PIEZO2: variants seen among roughly 807,000 people sequenced by gnomAD.
PIEZO2 encodes piezo type mechanosensitive ion channel component 2, also known as piezo-type mechanosensitive ion channel component 2.
A neutral mutation model predicts 337.3 loss-of-function variants in PIEZO2; 172 were observed. That is an observed-to-expected ratio of 0.51 (90% CI 0.45 to 0.58). The LOEUF is 0.58. Ranked by LOEUF, PIEZO2 falls within the 20% of genes least tolerant of loss-of-function variation. The probability of loss-of-function intolerance (pLI) is 0.00; values close to 1 mark genes in which losing one functional copy is unlikely to be tolerated. For missense variants in PIEZO2, 3,028 were observed against 3,391.3 expected, an observed-to-expected ratio of 0.89 and a Z score of 2.66; for synonymous variants, 1,251 against 1,228.5, an observed-to-expected ratio of 1.02 and a Z score of -0.38.
Position 10,853,077 on chromosome 18 carries a change from G to A in PIEZO2, c.917+2276C>T, listed in dbSNP as rs1317704705. Among the ~76,000 whole-genome samples the A allele has an allele frequency of 6.6e-6, 1 of 152,196 alleles. No individual in the cohort carries two copies. Among genetic ancestry groups the A allele is most frequent in the South Asian group, 2.1e-4 (1 of 4,832 alleles). On this transcript the variant is annotated intron_variant, in intron 7 of 55. Transcript: ENST00000674853. The surrounding 1 kb of genome is among the most constrained non-coding windows in gnomAD (Gnocchi z 4.2). ...GAGGTAAAATGGCGGAGTTTAACTG[G>A]TACATGACCTTGTAGGAGCATTCGG...
intron 3 of PIEZO2, among the ~76,000 whole-genome samples, chr18:10,919,596 A>T (rs1196197913): frequency 3.9e-5 from 6 of 152,160 alleles, no homozygotes; most frequent in African/African-American, 1.2e-4. Context: ...GTTCACAAAC[A>T]TCCATGCTTC....
chr18:10,810,182 A>T (rs1288641863), intron 7 of PIEZO2, among the ~76,000 whole-genome samples: 3 of 152,138 alleles, frequency 2.0e-5, no homozygotes, highest in African/African-American at 7.2e-5. Context: ...AGTATATGAA[A>T]AAGAAAGGAC....
At chr18:10,801,536 C>A in intron 9 of PIEZO2, 108 bp from the exon 10 acceptor site, 1 of 964,886 alleles carries the variant, frequency 1.0e-6, no homozygotes. Context: ...CTTTAACTTG[C>A]TGATTGCTAG....
At chr18:10,799,782 G>A (rs2039740245) in intron 11 of PIEZO2, among the ~76,000 whole-genome samples, 1 of 152,104 alleles carries the variant, frequency 6.6e-6, no homozygotes, top group South Asian at 2.1e-4. Context: ...AGACCAGTCT[G>A]GGCAAAACAG....
intron 7 of PIEZO2, among the ~76,000 whole-genome samples, chr18:10,841,666 T>C (rs1274235421): frequency 6.6e-6 from 1 of 152,186 alleles, no homozygotes; most frequent in Admixed American, 6.5e-5. Flanking sequence ...GGGCTTGCCC[T>C]TCTAGAAATG....
At chr18:10,936,497 G>T (rs1286949493) in intron 3 of PIEZO2, among the ~76,000 whole-genome samples, 1 of 152,132 alleles carries the variant, frequency 6.6e-6, no homozygotes, top group Non-Finnish European at 1.5e-5. Flanking sequence ...GCAAGTCCTT[G>T]GTCCAGGGCT....
intron 3 of PIEZO2, among the ~76,000 whole-genome samples, chr18:10,934,494 A>T (rs2032266291): frequency 6.6e-6 from 1 of 152,222 alleles, no homozygotes; most frequent in African/African-American, 2.4e-5. Context: ...TCAGGTAGAA[A>T]ACCCATTTTC....
chr18:10,866,015 A>T (rs548169257), intron 5 of PIEZO2, among the ~76,000 whole-genome samples: 3 of 152,346 alleles, frequency 2.0e-5, no homozygotes, highest in South Asian at 2.1e-4. Context: ...TTGATCTAAA[A>T]AGATAGTTAA....
intron 1 of PIEZO2, among the ~76,000 whole-genome samples, chr18:11,135,557 TGATTG>T (rs2040458058): frequency 6.6e-6 from 1 of 152,184 alleles, no homozygotes. Context: ...ATTGATTGAT[TGATTG>T]ATTTAGATGG....
chr18:10,790,986 G>C (rs1053393193), intron 14 of PIEZO2, among the ~76,000 whole-genome samples: 1 of 152,140 alleles, frequency 6.6e-6, no homozygotes. Context: ...TTACAGGCGC[G>C]AGCCACGGCG....
intron 2 of PIEZO2, among the ~76,000 whole-genome samples, chr18:11,018,081 G>T (rs1186407237): frequency 1.3e-5 from 2 of 152,100 alleles, no homozygotes; most frequent in South Asian, 4.2e-4. Flanking sequence ...CCCCGAGAAG[G>T]CTTTAGTGTA....
Position 10,847,301 on chromosome 18 carries a change from C to G in PIEZO2, c.917+8052G>C, listed in dbSNP as rs115346833. 9.8e-3 allele frequency among the ~76,000 whole-genome samples: 1,494 copies of G among 152,280 alleles called. 30 individuals carry two copies. The highest frequency in any genetic ancestry group is 0.034 in the African/African-American group (1,409 of 41,548). ...CTTTAGAATGAGTCACTGAGTCTGGCTAACTGTGGGGAATTCTAGGTGCCC... is the reference window on the plus strand; with the variant it reads ...CTTTAGAATGAGTCACTGAGTCTGGGTAACTGTGGGGAATTCTAGGTGCCC... On this transcript the variant is annotated intron_variant, in intron 7 of 55. Coordinates refer to ENST00000674853, the MANE Select transcript of PIEZO2 (RefSeq NM_001378183.1). The surrounding 1 kb of genome is among the most constrained non-coding windows in gnomAD (Gnocchi z 5.7).
chr18:10,789,126 T>C lies in PIEZO2; in HGVS notation c.2122A>G (p.Lys708Glu). ...AGGAACAGCACCATGTAGATGATTT[T>C]GTACATTACGATTTTACCCTCGAAG... is the stretch of plus-strand genomic sequence containing the variant. ...VSFEGKIVMY[K>E]IIYMVLFLFC... The change falls in exon 15 of 56, where the codon AAA becomes GAA. Residue 708 changes from lysine (K) to glutamate (E), a missense_variant. Lys to Glu is a moderately conservative substitution (Grantham distance 56, BLOSUM62 1). Transcript: ENST00000674853. The C allele has an allele frequency of 1.1e-5, 17 of 1,537,314 alleles. No homozygotes were observed. The highest frequency in any genetic ancestry group is 1.4e-5 in the Non-Finnish European group (16 of 1,146,914).
rs1310596163 is a variant in PIEZO2 at position 10,945,173 on chromosome 18, T to C, written c.287-33945A>G. ...CTACCTGAATCTGAAGAAGACGCCC[T>C]ATGATTTTTAGGTGTTATTTTTTAG... On this transcript the variant is annotated intron_variant, in intron 3 of 55. Transcript: ENST00000674853. This position sits in a 1 kb window ranked among gnomAD's most constrained non-coding sequence, Gnocchi z 4.0. 6.6e-6 allele frequency among the ~76,000 whole-genome samples: 1 copy of C among 152,162 alleles called. No homozygotes were observed. The highest frequency in any genetic ancestry group is 1.9e-4 in the East Asian group (1 of 5,194).
At chr18:10,801,491 T>C in intron 9 of PIEZO2, 63 bp from the exon 10 acceptor site, 1 of 1,409,276 alleles carries the variant, frequency 7.1e-7, no homozygotes, top group South Asian at 1.2e-5. Flanking sequence ...ACTGTTTATG[T>C]ATCTATAAAG....
intron 54 of PIEZO2, among the ~76,000 whole-genome samples, chr18:10,674,366 T>C (rs2033901245): frequency 6.6e-6 from 1 of 152,240 alleles, no homozygotes; most frequent in South Asian, 2.1e-4. Context: ...GAAAGGGAAA[T>C]AGCAAACTTC....
intron 1 of PIEZO2, among the ~76,000 whole-genome samples, chr18:11,133,245 T>C (rs574385689): frequency 2.6e-5 from 4 of 152,340 alleles, no homozygotes; most frequent in Admixed American, 6.5e-5. Context: ...TTAAGTATTG[T>C]TAACTTTATG....
At chr18:11,024,262 T>C (rs1427263935) in intron 2 of PIEZO2, among the ~76,000 whole-genome samples, 4 of 151,572 alleles carry the variant, frequency 2.6e-5, no homozygotes, top group Admixed American at 2.6e-4. Context: ...AAAAATCAAG[T>C]AGGCCGGGCG....
At chr18:11,039,748 GCA>G (rs72175382) in intron 2 of PIEZO2, among the ~76,000 whole-genome samples, 35,642 of 140,326 alleles carry the variant, frequency 0.25, 4,221 homozygotes, top group Middle Eastern at 0.36. Flanking sequence ...TTTTAAATAG[GCA>G]CACACACACA....
Sources: gnomAD v4.1 joint callset for allele counts (sites outside exome capture counted in the v4.1 genomes callset) on GRCh38, gnomAD v4.1.1 for gene constraint, Gnocchi (gnomAD v3.1) non-coding constraint, MANE v1.5 for transcripts, NCBI Gene and HGNC (gene_info 2026-07-23, HGNC 2026-07-21) for gene names.